Variants in KRT76 observed in about 807,000 individuals in gnomAD.
The protein encoded by KRT76 is keratin 76, also known as keratin, type II cytoskeletal 2 oral.
Under a neutral mutation model 44.9 loss-of-function variants are expected in KRT76, and 47 were observed. The ratio of observed to expected loss-of-function variants is 1.05; its 90% CI spans 0.83 to 1.33. The LOEUF is 1.33. KRT76 is among the 40% of genes most tolerant of loss of function. KRT76 has a pLI of 0.00. For missense variants in KRT76, 860 were observed against 775.8 expected (o/e 1.11, Z -1.29); for synonymous variants, 331 against 294.1 (o/e 1.13, Z -1.28).
chr12:52,771,729 CAG>C (rs1939183938), intron 6 of KRT76, 140 bp downstream of exon 6: 1 of 1,027,668 alleles, frequency 9.7e-7, no homozygotes, highest in Admixed American at 2.6e-5. Flanking sequence ...TCTGGGAGAA[CAG>C]AGTTTCCCAG....
chr12:52,768,423 G>C lies in KRT76; in HGVS notation c.*290C>G. 2.7e-6 allele frequency: 1 copy of C among 368,866 alleles called. No individual in the cohort carries two copies. The highest frequency in any genetic ancestry group is 5.0e-6 in the Non-Finnish European group (1 of 201,088). 22.8% of individuals were successfully genotyped at this position (368,866 alleles called of 1,614,324 possible). A position where few individuals can be genotyped will look rare whatever the true frequency, so the allele number is the denominator to read the frequency against. On this transcript the variant is annotated 3_prime_UTR_variant, in exon 9 of 9. Coordinates refer to ENST00000332411, the MANE Select transcript of KRT76 (RefSeq NM_015848.4). ...AGGGAGATGGGCCAGAGTGGGAACA[G>C]GCCAGGCTGTGAAGGCCAAAACTGG... is the stretch of plus-strand genomic sequence containing the variant.
intron 2 of KRT76, among the ~76,000 whole-genome samples, chr12:52,774,076 C>A (rs2033201115): frequency 6.6e-6 from 1 of 152,182 alleles, no homozygotes; most frequent in African/African-American, 2.4e-5. Context: ...AAGTGATTCT[C>A]CCTCCTCAGC....
rs1939193875 is a variant in KRT76 at position 52,772,152 on chromosome 12, T to C, written c.1079A>G (p.Gln360Arg). Residue 360 changes from glutamine to arginine, a missense_variant, in exon 5 of 9, where the codon CAG becomes CGG. Coordinates refer to ENST00000332411, the MANE Select transcript of KRT76 (RefSeq NM_015848.4). ...LGSIIAEVRA[Q>R]YEEIAQRSKS... ...GCTCCTCTGGGCAATCTCCTCATAC[T>C]GGGCGCGGACCTCGGCAATGATGCT... 3.1e-6 allele frequency: 5 copies of C among 1,613,690 alleles called. No individual in the cohort carries two copies. The highest frequency in any genetic ancestry group is 3.3e-4 in the Middle Eastern group (2 of 6,082).
In KRT76 at chr12:52,768,760, G is replaced by A. The variant is rs140818538; in HGVS notation, c.1870C>T (p.Arg624Cys). The A allele has an allele frequency of 1.7e-4, 272 of 1,610,622 alleles. No homozygotes were observed. Among genetic ancestry groups the A allele is most frequent in the Admixed American group, 7.0e-4 (42 of 59,942 alleles). The change falls in exon 9 of 9, where the codon CGC (arginine) becomes TGC (cysteine). Residue 624 changes from arginine to cysteine, a missense_variant. Physicochemically the swap from Arg to Cys is radical, Grantham distance 180. Coordinates refer to ENST00000332411, the MANE Select transcript of KRT76 (RefSeq NM_015848.4). ...CTTGAGCTCGTGGTCTGGGAGAAGC[G>A]GATACTGGTGCTGCCTCCACCACCA... ...KSGGGGSTSI[R>C]FSQTTSSSQH...
chr12:52,771,146 T>G lies in KRT76; in HGVS notation c.1337A>C (p.Lys446Thr). The G allele has an allele frequency of 6.2e-7, 1 of 1,614,178 alleles. No individual in the cohort carries two copies. Among genetic ancestry groups the G allele is most frequent in the Non-Finnish European group, 8.5e-7 (1 of 1,180,024 alleles). ...GEMALKDANA[K>T]LQDLQTALQK... is the part of the protein sequence containing the mutation. ...TAGGGCAGTCTGCAAGTCTTGGAGC[T>G]TGGCATTGGCGTCCTTGAGGGCCAT... The change falls in exon 7 of 9, where the codon AAG becomes ACG. Residue 446 changes from lysine to threonine, a missense_variant. Transcript: ENST00000332411.
Position 52,771,877 on chromosome 12 carries a change from C to T in KRT76, c.1257G>A (p.Lys419=), listed in dbSNP as rs1441932942. The stretch of plus-strand genomic sequence containing the variant: ...CCGTTAAACCCAGCCCCACCTGCTT[C>T]TTGACATTTTCAATCTCAGCCCGTA... ...QRLRAEIENV[K]KQNANLQTAI... The change falls in exon 6 of 9, where the codon AAG becomes AAA. Residue 419 remains lysine (K), a synonymous_variant. Coordinates refer to ENST00000332411, the MANE Select transcript of KRT76 (RefSeq NM_015848.4). The T allele has an allele frequency of 6.2e-7, 1 of 1,613,558 alleles. No individual in the cohort carries two copies. Among genetic ancestry groups the T allele is most frequent in the Non-Finnish European group, 8.5e-7 (1 of 1,179,700 alleles).
chr12:52,770,706 T>C (rs1195069269), intron 7 of KRT76, among the ~76,000 whole-genome samples: 1 of 152,222 alleles, frequency 6.6e-6, no homozygotes, highest in African/African-American at 2.4e-5. Context: ...AAAGTTCCAG[T>C]GGACAGCACT....
chr12:52,772,678 C>T lies in KRT76; in HGVS notation c.972+105G>A, dbSNP rs921360659. The T allele has an allele frequency of 4.0e-5, 32 of 807,258 alleles. No homozygotes were observed. In the South Asian group the frequency reaches 4.7e-4, roughly 12 times the overall value. 50.0% of individuals were successfully genotyped at this position (807,258 alleles called of 1,614,324 possible). A position where few individuals can be genotyped will look rare whatever the true frequency, so the allele number is the denominator to read the frequency against. ...GGTGGGGTGGAGCTGAGTCCTGAGC[C>T]CCATTGCTGGTTTTGTGAGTGTTGT... On this transcript the variant is annotated intron_variant, in intron 4 of 8. Transcript: ENST00000332411.
chr12:52,769,701 G>T, intron 7 of KRT76, 118 bp from the exon 8 acceptor site: 1 of 814,296 alleles, frequency 1.2e-6, no homozygotes, highest in South Asian at 1.4e-5. Flanking sequence ...TCAAGCTCCT[G>T]CAAGAAGAAA....
Position 52,777,147 on chromosome 12 carries a change from C to T in KRT76, c.145G>A (p.Gly49Arg), listed in dbSNP as rs755466218. ...AGGGACGFRS[G>R]AGSFGSRSLY... ...CTGCGACTGCCAAAGCTGCCTGCTC[C>T]GCTCCTGAAGCCACAGGCCCCTCCA... is the stretch of plus-strand genomic sequence containing the variant. The change falls in exon 1 of 9, where the codon GGA (glycine) becomes AGA (arginine). Residue 49 changes from glycine (G) to arginine (R), a missense_variant. Transcript: ENST00000332411. The T allele has an allele frequency of 1.7e-5, 27 of 1,614,096 alleles. No individual in the cohort carries two copies. Among genetic ancestry groups the T allele is most frequent in the Middle Eastern group, 1.6e-4 (1 of 6,084 alleles).
At chr12:52,775,717 C>A in intron 1 of KRT76, 115 bp from the exon 2 acceptor site, 1 of 777,422 alleles carries the variant, frequency 1.3e-6, no homozygotes. Flanking sequence ...ACAATTTCCC[C>A]TGTTTTTTAA....
At position 52,775,512 on chromosome 12, in the gene KRT76, C is replaced by G. The variant is rs143290453; in HGVS notation, c.691G>C (p.Glu231Gln). The change falls in exon 2 of 9, where the codon GAG (glutamate) becomes CAG (glutamine). Residue 231 changes from glutamate to glutamine, a missense_variant. Transcript: ENST00000332411. ...CTGATGTAGGATTCAAAACAAGGCT[C>G]CAGGCTGCTGGGCCCTGAGCCTGTG... The part of the protein sequence containing the change: ...QTTGSGPSSL[E>Q]PCFESYISFL... 1 of 1,614,176 alleles carries G rather than the reference C, an allele frequency of 6.2e-7. No individual in the cohort carries two copies. Among genetic ancestry groups the G allele is most frequent in the South Asian group, 1.1e-5 (1 of 91,080 alleles).
chr12:52,777,029 C>A lies in KRT76; in HGVS notation c.263G>T (p.Cys88Phe), dbSNP rs753751656. Residue 88 changes from cysteine (C) to phenylalanine (F), a missense_variant, in exon 1 of 9, where the codon TGT (cysteine) becomes TTT (phenylalanine). By Grantham distance (205) the Cys-to-Phe change is radical. Transcript: ENST00000332411. ...ACCTCCATAGCCACCTGCAAAGCCA[C>A]AGCTGCTCCGCCCTCCCCCAAAGCC... The part of the protein sequence containing the change: ...AGGFGGGRSS[C>F]GFAGGYGGGF... 7.9e-5 allele frequency: 128 copies of A among 1,613,980 alleles called. No individual in the cohort carries two copies. The highest frequency in any genetic ancestry group is 1.1e-4 in the Non-Finnish European group (124 of 1,179,938).
In KRT76 at chr12:52,772,259, C is replaced by A; in HGVS notation, c.973-1G>T. On this transcript the variant is annotated splice_acceptor_variant, in intron 4 of 8. Coordinates refer to ENST00000332411, the MANE Select transcript of KRT76 (RefSeq NM_015848.4). LOFTEE classifies it high-confidence loss of function. ...CATGGCTTTGCATCTGGGACAGCTC[C>A]TGCAGGAAACATGGATAGTTACTCT... The A allele has an allele frequency of 6.3e-7, 1 of 1,592,848 alleles. No homozygotes were observed. The highest frequency in any genetic ancestry group is 8.6e-7 in the Non-Finnish European group (1 of 1,169,342).
chr12:52,768,415 T>A lies in KRT76; in HGVS notation c.*298A>T. 3.1e-6 allele frequency: 1 copy of A among 327,630 alleles called. No homozygotes were observed. The highest frequency in any genetic ancestry group is 5.6e-6 in the Non-Finnish European group (1 of 177,306). The allele number at this position is 327,630 out of a possible 1,614,324, so 20.3% of individuals were successfully genotyped here. The stretch of plus-strand genomic sequence containing the variant: ...AGTAAGAAAGGGAGATGGGCCAGAG[T>A]GGGAACAGGCCAGGCTGTGAAGGCC... On this transcript the variant is annotated 3_prime_UTR_variant, in exon 9 of 9. Transcript: ENST00000332411.
rs751544347 is a variant in KRT76 at position 52,770,959 on chromosome 12, A to G, written c.1484+40T>C. On this transcript the variant is annotated intron_variant, in intron 7 of 8. Coordinates refer to ENST00000332411, the MANE Select transcript of KRT76 (RefSeq NM_015848.4). ...TTTCCACATTATCAAAGGTCACTCT[A>G]AAACCATATCTGGAGAATGGTGATC... 9 of 1,612,820 alleles carry G rather than the reference A, an allele frequency of 5.6e-6. No homozygotes were observed. The East Asian group carries it at 1.8e-4, about 32-fold the overall frequency.
At chr12:52,772,342 G>C in intron 4 of KRT76, 84 bp from the exon 5 acceptor site, 2 of 1,349,856 alleles carry the variant, frequency 1.5e-6, no homozygotes, top group Non-Finnish European at 2.0e-6. Context: ...ATATCCCAAG[G>C]ATGGGGCTAG....
rs138105426 is a variant in KRT76, at chr12:52,772,196, G to A, written c.1035C>T (p.Asn345=). The change falls in exon 5 of 9, where the codon AAC becomes AAT. Residue 345 remains asparagine (N), a synonymous_variant. Coordinates refer to ENST00000332411, the MANE Select transcript of KRT76 (RefSeq NM_015848.4). Reference sequence around the variant, plus strand: ...TGATGCTGCCCAGGTCCAGGCAGCGGTTGTTGTCCATGGACAGAACCACAG... The same window carrying A: ...TGATGCTGCCCAGGTCCAGGCAGCGATTGTTGTCCATGGACAGAACCACAG... ...DTSVVLSMDN[N]RCLDLGSIIA... 493 of 1,613,390 alleles carry A rather than the reference G, an allele frequency of 3.1e-4. No individual in the cohort carries two copies. Among genetic ancestry groups the A allele is most frequent in the Non-Finnish European group, 4.0e-4 (474 of 1,179,650 alleles).
intron 1 of KRT76, 96 bp downstream of exon 1, chr12:52,776,596 C>T: frequency 2.5e-6 from 4 of 1,598,152 alleles, no homozygotes; most frequent in South Asian, 2.2e-5. Context: ...GAGCCAAGCG[C>T]CCCTGCCCTG....
Sources: gnomAD v4.1 joint callset for allele counts (sites outside exome capture counted in the v4.1 genomes callset) on GRCh38, gnomAD v4.1.1 for gene constraint, MANE v1.5 for transcripts, NCBI Gene and HGNC (gene_info 2026-07-23, HGNC 2026-07-21) for gene names.